The following CSMD1 variants were observed in gnomAD, a reference collection of about 807,000 sequenced individuals.
CSMD1 encodes CUB and sushi domain-containing protein 1.
Under a neutral mutation model 417.5 loss-of-function variants are expected in CSMD1, and 213 were observed. The observed-to-expected ratio is 0.51, with a 90% confidence interval of 0.46 to 0.57. The LOEUF (loss-of-function observed/expected upper bound fraction) is 0.57, where lower values mean the gene tolerates loss of function less well. CSMD1 is among the 20% of genes least tolerant of loss of function. The pLI is 0.00. For synonymous variants in CSMD1, 2,862 were observed against 1,736.8 expected (o/e 1.65, Z -16.11); for missense variants, 6,923 against 4,529.7 (o/e 1.53, Z -15.17).
intron 3 of CSMD1, among the ~76,000 whole-genome samples, chr8:4,082,582 G>A (rs1445775508): frequency 2.0e-5 from 3 of 151,306 alleles, no homozygotes; most frequent in South Asian, 4.2e-4. Context: ...TATGAGCCTA[G>A]AAGAAAAAAA....
intron 60 of CSMD1, 103 bp downstream of exon 60, chr8:2,963,119 C>A: frequency 7.9e-7 from 1 of 1,272,078 alleles, no homozygotes; most frequent in Non-Finnish European, 1.1e-6. Context: ...GCTATTATTA[C>A]CCACCAGGAA....
At chr8:4,863,053 G>C (rs986545988) in intron 1 of CSMD1, among the ~76,000 whole-genome samples, 1 of 152,060 alleles carries the variant, frequency 6.6e-6, no homozygotes, top group Non-Finnish European at 1.5e-5. Context: ...ACAATGTGAG[G>C]TCCCTGGTGA....
intron 7 of CSMD1, among the ~76,000 whole-genome samples, chr8:3,639,482 A>T (rs1479353212): frequency 1.3e-5 from 2 of 152,210 alleles, no homozygotes; most frequent in African/African-American, 4.8e-5. Flanking sequence ...TGAGCATGAA[A>T]ATAAGGACAG....
chr8:3,683,650 T>A (rs2129029794), intron 7 of CSMD1, among the ~76,000 whole-genome samples: 1 of 152,300 alleles, frequency 6.6e-6, no homozygotes, highest in South Asian at 2.1e-4. Context: ...TTTAATTTAA[T>A]ACCTATAATT....
chr8:3,964,279 G>A (rs1018952700), intron 5 of CSMD1, among the ~76,000 whole-genome samples: 5 of 152,170 alleles, frequency 3.3e-5, no homozygotes, highest in Non-Finnish European at 2.9e-5. Flanking sequence ...AGAGCTCACA[G>A]GCTGCTTTAG....
At chr8:2,982,232 T>C (rs935546963) in intron 54 of CSMD1, among the ~76,000 whole-genome samples, 1 of 152,256 alleles carries the variant, frequency 6.6e-6, no homozygotes, top group East Asian at 1.9e-4. Flanking sequence ...GGCAGGGGCC[T>C]GTAATTCCAG....
At chr8:3,249,571 C>CA (rs1197526496) in intron 26 of CSMD1, among the ~76,000 whole-genome samples, 1 of 151,742 alleles carries the variant, frequency 6.6e-6, no homozygotes, top group African/African-American at 2.4e-5. Context: ...GATCAAGTCT[C>CA]AAAAAAATAA....
chr8:3,455,925 C>T (rs1191890711), intron 12 of CSMD1, among the ~76,000 whole-genome samples: 1 of 152,208 alleles, frequency 6.6e-6, no homozygotes, highest in Non-Finnish European at 1.5e-5. Flanking sequence ...TCTACAGAGG[C>T]AGGCAGGCCT....
chr8:4,302,984 A>G (rs13262226), intron 3 of CSMD1, among the ~76,000 whole-genome samples: 112,223 of 152,108 alleles, frequency 0.74, 41,596 homozygotes, highest in East Asian at 0.85. Context: ...AGCCCTCTGT[A>G]TATCAAATAG....
At chr8:3,639,040 T>C (rs768754947) in intron 7 of CSMD1, among the ~76,000 whole-genome samples, 23 of 152,364 alleles carry the variant, frequency 1.5e-4, no homozygotes, top group East Asian at 7.7e-4. Flanking sequence ...AATATCCTTC[T>C]TTCATTTTCC....
At chr8:3,810,626 G>A (rs1208533359) in intron 5 of CSMD1, among the ~76,000 whole-genome samples, 3 of 152,248 alleles carry the variant, frequency 2.0e-5, no homozygotes, top group Middle Eastern at 3.4e-3. Context: ...CTCATTATTG[G>A]GGGACTGGAG....
chr8:3,954,661 CG>C (rs1811817862), intron 5 of CSMD1, among the ~76,000 whole-genome samples: 2 of 152,350 alleles, frequency 1.3e-5, no homozygotes, highest in Admixed American at 1.3e-4. Flanking sequence ...CGCACCTGGC[CG>C]GATCCCAGGA....
chr8:3,493,309 AAAAGGG>A (rs1796213198), intron 11 of CSMD1, among the ~76,000 whole-genome samples: 1 of 147,972 alleles, frequency 6.8e-6, no homozygotes, highest in Admixed American at 6.8e-5. Flanking sequence ...AAAAAAAAAA[AAAAGGG>A]GGGGCGGAGG....
intron 3 of CSMD1, among the ~76,000 whole-genome samples, chr8:4,160,367 C>T (rs1198964452): frequency 6.6e-6 from 1 of 152,090 alleles, no homozygotes; most frequent in Non-Finnish European, 1.5e-5. Context: ...ATGAAGCCAA[C>T]TTTGGAAATT....
Position 4,826,758 on chromosome 8 carries a change from TA to T in CSMD1, c.85+167573del, listed in dbSNP as rs140180564. ...ACCCAATGGAGAGACAGTTCTGTTT[TA>T]AACATAGGAGCTCCCTCTGCTATAT... On this transcript the variant is annotated intron_variant, in intron 1 of 69. Transcript: ENST00000635120. Among the ~76,000 whole-genome samples, 608 of 152,266 alleles carry T rather than the reference TA, an allele frequency of 4.0e-3. 7 individuals carry two copies. Among genetic ancestry groups the T allele is most frequent in the African/African-American group, 0.014 (587 of 41,558 alleles).
intron 3 of CSMD1, among the ~76,000 whole-genome samples, chr8:4,135,568 G>A (rs1484130687): frequency 6.6e-6 from 1 of 152,048 alleles, no homozygotes; most frequent in African/African-American, 2.4e-5. Flanking sequence ...TAAATAAGAA[G>A]AAATGAGTTT....
At chr8:3,698,450 C>A (rs1053719908) in intron 7 of CSMD1, among the ~76,000 whole-genome samples, 2 of 152,142 alleles carry the variant, frequency 1.3e-5, no homozygotes, top group Non-Finnish European at 2.9e-5. Flanking sequence ...GTTAATGGCG[C>A]TATTATTTTT....
chr8:4,501,851 G>C (rs1802274498), intron 2 of CSMD1, among the ~76,000 whole-genome samples: 1 of 152,106 alleles, frequency 6.6e-6, no homozygotes, highest in Non-Finnish European at 1.5e-5. Flanking sequence ...AGGTATGTCT[G>C]TATAGGAAAA....
intron 1 of CSMD1, among the ~76,000 whole-genome samples, chr8:4,893,605 T>G (rs1804276899): frequency 6.6e-6 from 1 of 152,186 alleles, no homozygotes; most frequent in Admixed American, 6.5e-5. Flanking sequence ...AAATTACATT[T>G]TCTGCAATAA....
Sources: allele counts gnomAD v4.1 joint callset (sites outside exome capture counted in the v4.1 genomes callset), GRCh38; gene constraint gnomAD v4.1.1; transcripts MANE v1.5; gene names NCBI Gene and HGNC (gene_info 2026-07-23, HGNC 2026-07-21).